The following RFX7 variants were observed in gnomAD, a reference collection of about 807,000 sequenced individuals.
The protein encoded by RFX7 is regulatory factor X7.
A neutral mutation model predicts 111.8 loss-of-function variants in RFX7; 26 were observed. The ratio of observed to expected loss-of-function variants is 0.23; its 90% CI spans 0.17 to 0.32. The LOEUF is 0.32. Ranked by LOEUF, RFX7 falls within the 10% of genes least tolerant of loss-of-function variation. RFX7 has a pLI of 1.00. For missense variants in RFX7, 1,573 were observed against 1,772.9 expected, an observed-to-expected ratio of 0.89 and a Z score of 2.02; for synonymous variants, 624 against 624.4, an observed-to-expected ratio of 1.00 and a Z score of 0.01.
At chr15:56,231,504 TG>T (rs2043557474) in intron 2 of RFX7, among the ~76,000 whole-genome samples, 1 of 152,118 alleles carries the variant, frequency 6.6e-6, no homozygotes, top group African/African-American at 2.4e-5. Flanking sequence ...GAGAACAGTA[TG>T]GGGGAAAATC....
chr15:56,208,887 C>T (rs2043282504), intron 2 of RFX7, among the ~76,000 whole-genome samples: 1 of 151,776 alleles, frequency 6.6e-6, no homozygotes, highest in South Asian at 2.1e-4. Flanking sequence ...AAAACAAAAC[C>T]CAGAACAGAG....
intron 5 of RFX7, among the ~76,000 whole-genome samples, chr15:56,140,783 G>C (rs2042381464): frequency 6.6e-6 from 1 of 152,028 alleles, no homozygotes; most frequent in South Asian, 2.1e-4. Context: ...AAAATCATAA[G>C]AATTTATGGG....
At chr15:56,119,788 A>C (rs1282059364) in intron 5 of RFX7, among the ~76,000 whole-genome samples, 6 of 151,560 alleles carry the variant, frequency 4.0e-5, no homozygotes, top group African/African-American at 1.5e-4. Context: ...AAAAAAAAAA[A>C]AAAAAAGAAA....
chr15:56,118,664 A>G (rs1331569797), intron 5 of RFX7, among the ~76,000 whole-genome samples: 1 of 152,224 alleles, frequency 6.6e-6, no homozygotes, highest in Non-Finnish European at 1.5e-5. Context: ...ATGGGAGTGC[A>G]GATATCTCTT....
chr15:56,228,646 A>T (rs2043513103), intron 2 of RFX7, among the ~76,000 whole-genome samples: 1 of 152,242 alleles, frequency 6.6e-6, no homozygotes, highest in Admixed American at 6.5e-5. Flanking sequence ...GGAAAAGTGT[A>T]TACTTACAAT....
chr15:56,169,233 A>G (rs16976787), intron 3 of RFX7, among the ~76,000 whole-genome samples: 10,074 of 152,228 alleles, frequency 0.066, 446 homozygotes, highest in Admixed American at 0.1. Context: ...AGTTTCTTGG[A>G]TGGCTTTAGC....
chr15:56,194,654 T>G (rs1379844893), intron 2 of RFX7, among the ~76,000 whole-genome samples: 6 of 151,748 alleles, frequency 4.0e-5, no homozygotes, highest in African/African-American at 1.5e-4. Context: ...ATAGTCATAA[T>G]AGTGGCTAAT....
chr15:56,243,387 GA>G, intron 1 of RFX7, 57 bp downstream of exon 1: 2 of 826,526 alleles, frequency 2.4e-6, no homozygotes, highest in Non-Finnish European at 3.1e-6. Flanking sequence ...GGAGGAGGGG[GA>G]GGGGGAGGGG....
chr15:56,216,527 C>A (rs1010031074), intron 2 of RFX7, among the ~76,000 whole-genome samples: 2 of 152,062 alleles, frequency 1.3e-5, no homozygotes, highest in Non-Finnish European at 2.9e-5. Context: ...TCACTTCTGA[C>A]CCCGGAACAT....
chr15:56,219,063 TAA>T lies in RFX7; in HGVS notation c.161+24060_161+24061del, dbSNP rs771818491. Among the ~76,000 whole-genome samples the T allele has an allele frequency of 2.0e-5, 3 of 152,336 alleles. No individual in the cohort carries two copies. In the East Asian group the frequency reaches 5.8e-4, roughly 29 times the overall value. On this transcript the variant is annotated intron_variant, in intron 2 of 9. Coordinates refer to ENST00000559447, the MANE Select transcript of RFX7 (RefSeq NM_022841.7). ...CCTTCTGGGGTTTATTATAAAAAGTTAAAGTGTAATAATTTCTTAATTAATTG... is the reference window on the plus strand; with the variant it reads ...CCTTCTGGGGTTTATTATAAAAAGTTAGTGTAATAATTTCTTAATTAATTG...
chr15:56,158,507 T>G (rs2042681636), intron 3 of RFX7, among the ~76,000 whole-genome samples: 1 of 152,138 alleles, frequency 6.6e-6, no homozygotes, highest in Non-Finnish European at 1.5e-5. Context: ...AAAAAAATTT[T>G]TTTTTACAGA....
chr15:56,236,356 T>G (rs2043623756), intron 2 of RFX7, among the ~76,000 whole-genome samples: 3 of 152,214 alleles, frequency 2.0e-5, no homozygotes, highest in African/African-American at 7.2e-5. Flanking sequence ...TATTGTTCCT[T>G]ATTTTATTAT....
At chr15:56,182,251 G>A (rs1339537338) in intron 2 of RFX7, among the ~76,000 whole-genome samples, 1 of 151,878 alleles carries the variant, frequency 6.6e-6, no homozygotes, top group Non-Finnish European at 1.5e-5. Context: ...TATCTTCCAT[G>A]AATTTGGTCC....
In RFX7 at chr15:56,101,918, T is replaced by C. The variant is rs2041758392; in HGVS notation, c.603+251A>G. On this transcript the variant is annotated intron_variant, in intron 7 of 9. Coordinates refer to ENST00000559447, the MANE Select transcript of RFX7 (RefSeq NM_022841.7). The stretch of plus-strand genomic sequence containing the variant: ...ATGACTGACTTTTTCCTCTTGACTA[T>C]ACACACATATAGTCAATATGTATTT... Among the ~76,000 whole-genome samples the C allele has an allele frequency of 2.0e-5, 3 of 152,250 alleles. No individual in the cohort carries two copies. In the South Asian group the frequency reaches 6.2e-4, roughly 31 times the overall value.
intron 5 of RFX7, among the ~76,000 whole-genome samples, chr15:56,128,830 A>G (rs2042177250): frequency 6.6e-6 from 1 of 152,074 alleles, no homozygotes; most frequent in Non-Finnish European, 1.5e-5. Context: ...AAACCCTATA[A>G]TTAGAGCTAA....
chr15:56,219,262 T>C (rs1453054741), intron 2 of RFX7, among the ~76,000 whole-genome samples: 1 of 152,234 alleles, frequency 6.6e-6, no homozygotes, highest in Non-Finnish European at 1.5e-5. Flanking sequence ...CAATAATCTT[T>C]ATCCTGAAGA....
intron 2 of RFX7, among the ~76,000 whole-genome samples, chr15:56,215,782 T>C (rs2043357755): frequency 3.9e-5 from 6 of 152,344 alleles, no homozygotes; most frequent in African/African-American, 1.2e-4. Flanking sequence ...ACATTTTTTA[T>C]CTAATAGTTT....
intron 5 of RFX7, among the ~76,000 whole-genome samples, chr15:56,122,848 T>C (rs556504593): frequency 5.3e-4 from 80 of 152,168 alleles, no homozygotes; most frequent in Non-Finnish European, 9.6e-4. Context: ...GTACTGCCAA[T>C]GTTCACTTAA....
intron 2 of RFX7, among the ~76,000 whole-genome samples, chr15:56,199,001 A>G (rs2043170106): frequency 6.8e-6 from 1 of 147,558 alleles, no homozygotes; most frequent in South Asian, 2.4e-4. Context: ...TCTCTGACAA[A>G]GAAAAAAAAA....
Sources: gnomAD v4.1 joint callset for allele counts (sites outside exome capture counted in the v4.1 genomes callset) on GRCh38, gnomAD v4.1.1 for gene constraint, MANE v1.5 for transcripts, NCBI Gene and HGNC (gene_info 2026-07-23, HGNC 2026-07-21) for gene names.